Variants in SLC1A2 observed in about 807,000 individuals in gnomAD.
SLC1A2 encodes the protein excitatory amino acid transporter 2.
Under a neutral mutation model 48.8 loss-of-function variants are expected in SLC1A2, and 15 were observed. That is an observed-to-expected ratio of 0.31 (90% CI 0.21 to 0.47). SLC1A2 has a LOEUF of 0.47. Ranked by LOEUF, SLC1A2 falls within the 20% of genes least tolerant of loss-of-function variation. The pLI is 0.99. For missense variants in SLC1A2, 502 were observed against 730.5 expected, an observed-to-expected ratio of 0.69 and a Z score of 3.61; for synonymous variants, 279 against 272.6, an observed-to-expected ratio of 1.02 and a Z score of -0.23.
intron 1 of SLC1A2, among the ~76,000 whole-genome samples, chr11:35,388,980 T>C (rs1335846384): frequency 3.3e-5 from 5 of 152,162 alleles, no homozygotes; most frequent in Non-Finnish European, 7.4e-5. Context: ...TAATTACCTA[T>C]TTGATGCGAT....
At chr11:35,341,562 A>C (rs1852843995) in intron 1 of SLC1A2, among the ~76,000 whole-genome samples, 1 of 152,356 alleles carries the variant, frequency 6.6e-6, no homozygotes, top group Non-Finnish European at 1.5e-5. Flanking sequence ...CTACCTTAGC[A>C]ATCAGGGCAG....
intron 1 of SLC1A2, among the ~76,000 whole-genome samples, chr11:35,331,535 A>T (rs1420305238): frequency 6.6e-6 from 1 of 152,220 alleles, no homozygotes; most frequent in Admixed American, 6.5e-5. Context: ...TGTTCTCACC[A>T]GGAGAATTTC....
chr11:35,265,483 C>A (rs779151096), intron 10 of SLC1A2, 44 bp downstream of exon 10: 3 of 929,076 alleles, frequency 3.2e-6, no homozygotes, highest in Admixed American at 1.9e-5. Context: ...ATCAAGCATG[C>A]ACTACTATAT....
intron 1 of SLC1A2, among the ~76,000 whole-genome samples, chr11:35,362,858 T>G (rs1853727189): frequency 6.6e-6 from 1 of 152,164 alleles, no homozygotes; most frequent in South Asian, 2.1e-4. Context: ...ACTCCCCCTT[T>G]TGGTGACATT....
intron 1 of SLC1A2, among the ~76,000 whole-genome samples, chr11:35,398,990 T>C (rs1014127497): frequency 6.6e-6 from 1 of 152,114 alleles, no homozygotes; most frequent in African/African-American, 2.4e-5. Flanking sequence ...GGAAGGATAA[T>C]ACACTAAACC....
intron 1 of SLC1A2, among the ~76,000 whole-genome samples, chr11:35,396,788 C>G (rs1411498750): frequency 6.6e-6 from 1 of 152,152 alleles, no homozygotes; most frequent in Non-Finnish European, 1.5e-5. Context: ...CCCATTGTCT[C>G]AGCCCAAAAT....
chr11:35,300,417 A>G (rs1051055398), intron 6 of SLC1A2, among the ~76,000 whole-genome samples: 1 of 152,230 alleles, frequency 6.6e-6, no homozygotes, highest in African/African-American at 2.4e-5. Flanking sequence ...GAGGTGAACC[A>G]TCTGGGAGAT....
At chr11:35,404,096 G>C (rs1855213406) in intron 1 of SLC1A2, among the ~76,000 whole-genome samples, 2 of 148,138 alleles carry the variant, frequency 1.4e-5, no homozygotes, top group African/African-American at 4.9e-5. Flanking sequence ...TTAAAAGCTA[G>C]ACTTTGGGGG....
chr11:35,381,105 C>T (rs951368749), intron 1 of SLC1A2, among the ~76,000 whole-genome samples: 1 of 152,118 alleles, frequency 6.6e-6, no homozygotes, highest in Non-Finnish European at 1.5e-5. Flanking sequence ...CTCCTTTCAT[C>T]CCTTTGTTTC....
At chr11:35,410,673 G>A (rs1036054659) in intron 1 of SLC1A2, among the ~76,000 whole-genome samples, 2 of 152,062 alleles carry the variant, frequency 1.3e-5, no homozygotes, top group East Asian at 1.9e-4. Flanking sequence ...GCCCTGTACC[G>A]AGGGCCATGT....
chr11:35,392,239 G>C (rs1203812785), intron 1 of SLC1A2: 1 of 152,110 alleles, frequency 6.6e-6, no homozygotes, highest in Admixed American at 6.6e-5. Flanking sequence ...TTGTTTCCTG[G>C]TTTAAGGTGC....
chr11:35,394,888 T>G (rs576435572), intron 1 of SLC1A2, among the ~76,000 whole-genome samples: 36 of 152,340 alleles, frequency 2.4e-4, no homozygotes, highest in African/African-American at 8.4e-4. Context: ...GCAGGTATGT[T>G]GCCTTCTAGA....
chr11:35,392,790 T>A (rs1419122445), intron 1 of SLC1A2, among the ~76,000 whole-genome samples: 1 of 152,232 alleles, frequency 6.6e-6, no homozygotes, highest in Non-Finnish European at 1.5e-5. Flanking sequence ...TGCATGTGTA[T>A]GCTTGGAGAG....
At chr11:35,376,839 G>A (rs945885333) in intron 1 of SLC1A2, among the ~76,000 whole-genome samples, 5 of 152,032 alleles carry the variant, frequency 3.3e-5, no homozygotes, top group African/African-American at 4.8e-5. Context: ...CCCTCTCTTT[G>A]ACTCATATCC....
At chr11:35,320,927 G>C (rs923290751) in intron 1 of SLC1A2, among the ~76,000 whole-genome samples, 3 of 152,154 alleles carry the variant, frequency 2.0e-5, no homozygotes, top group Admixed American at 2.0e-4. Flanking sequence ...TCAGAGGGGG[G>C]TTGTATTAGT....
intron 6 of SLC1A2, among the ~76,000 whole-genome samples, chr11:35,295,325 T>C (rs6484773): frequency 0.077 from 11,664 of 152,260 alleles, 1,455 homozygotes; most frequent in African/African-American, 0.26. Context: ...ACTAGGATTA[T>C]AGGTGTGGCC....
In SLC1A2 at chr11:35,419,184, C is replaced by A. The variant is rs1855705490; in HGVS notation, c.-218G>T. The A allele has an allele frequency of 2.2e-6, 1 of 455,626 alleles. No homozygotes were observed. Among genetic ancestry groups the A allele is most frequent in the Non-Finnish European group, 3.9e-6 (1 of 258,782 alleles). The allele number at this position is 455,626 out of a possible 1,614,324, so 28.2% of individuals were successfully genotyped here. On this transcript the variant is annotated 5_prime_UTR_variant, in exon 1 of 11. Transcript: ENST00000278379. The surrounding 1 kb of genome is among the most constrained non-coding windows in gnomAD (Gnocchi z 5.4). Reference sequence around the variant, plus strand: ...CCGCGTCCCGGCTCTCCACGGCGCGCGACCCGCGCTCCCCTCCGCCCGCGG... The same window carrying A: ...CCGCGTCCCGGCTCTCCACGGCGCGAGACCCGCGCTCCCCTCCGCCCGCGG...
At chr11:35,370,800 T>C (rs944550433) in intron 1 of SLC1A2, 2 of 208,866 alleles carry the variant, frequency 9.6e-6, no homozygotes, top group African/African-American at 4.7e-5. Context: ...TGAGTATCCC[T>C]CCCCAGCATT....
intron 9 of SLC1A2, among the ~76,000 whole-genome samples, chr11:35,267,836 A>G (rs1365932589): frequency 6.6e-6 from 1 of 152,048 alleles, no homozygotes; most frequent in African/African-American, 2.4e-5. Context: ...GTTCCTAAGC[A>G]GATAGCTAAT....
Sources: gnomAD v4.1 joint callset for allele counts (sites outside exome capture counted in the v4.1 genomes callset) on GRCh38, gnomAD v4.1.1 for gene constraint, Gnocchi (gnomAD v3.1) non-coding constraint, MANE v1.5 for transcripts, NCBI Gene and HGNC (gene_info 2026-07-23, HGNC 2026-07-21) for gene names.